Variants in GMDS observed in about 807,000 individuals in gnomAD.
GMDS encodes GDP-mannose 4,6-dehydratase.
In GMDS, 20 loss-of-function variants were observed where a neutral mutation model predicts 49.9. That is an observed-to-expected ratio of 0.40 (90% CI 0.28 to 0.58). GMDS has a LOEUF of 0.58. Ranked by LOEUF, GMDS falls within the 20% of genes least tolerant of loss-of-function variation. The pLI is 0.42. For missense variants in GMDS, 362 were observed against 481.4 expected (o/e 0.75, Z 2.32); for synonymous variants, 177 against 178.6 (o/e 0.99, Z 0.07).
At chr6:1,910,398 T>C (rs190855475) in intron 7 of GMDS, among the ~76,000 whole-genome samples, 1 of 152,170 alleles carries the variant, frequency 6.6e-6, no homozygotes, top group Admixed American at 6.5e-5. Flanking sequence ...AAAATCATAA[T>C]CTGTGTCACA....
At chr6:1,769,279 C>A (rs1397804083) in intron 7 of GMDS, among the ~76,000 whole-genome samples, 1 of 152,230 alleles carries the variant, frequency 6.6e-6, no homozygotes, top group Non-Finnish European at 1.5e-5. Context: ...GGTATGCAGT[C>A]TAACTTGTGA....
intron 4 of GMDS, among the ~76,000 whole-genome samples, chr6:2,004,096 A>G (rs893695715): frequency 2.6e-5 from 4 of 152,228 alleles, no homozygotes; most frequent in African/African-American, 9.6e-5. Flanking sequence ...GATCAATGAA[A>G]TAAGTCATCT....
At chr6:2,162,660 AC>A (rs1777460392) in intron 1 of GMDS, among the ~76,000 whole-genome samples, 1 of 7,884 alleles carries the variant, frequency 1.3e-4, no homozygotes, top group Non-Finnish European at 2.0e-4. Flanking sequence ...TAACATTCCA[AC>A]ACACACACAC....
chr6:2,199,779 A>T (rs1038966222), intron 1 of GMDS, among the ~76,000 whole-genome samples: 1 of 152,204 alleles, frequency 6.6e-6, no homozygotes, highest in Non-Finnish European at 1.5e-5. Context: ...TCAAGTATCA[A>T]CTTAAAAGCA....
chr6:1,941,552 G>A (rs920898816), intron 6 of GMDS, among the ~76,000 whole-genome samples: 2 of 152,176 alleles, frequency 1.3e-5, no homozygotes, highest in African/African-American at 4.8e-5. Context: ...GTCCAAGGAA[G>A]GAGAGGGCTC....
At chr6:1,693,018 A>C (rs2113341697) in intron 9 of GMDS, among the ~76,000 whole-genome samples, 1 of 152,282 alleles carries the variant, frequency 6.6e-6, no homozygotes, top group South Asian at 2.1e-4. Flanking sequence ...CGTTTCTGGG[A>C]CCCAGTTATG....
At chr6:2,199,748 C>T (rs1431389380) in intron 1 of GMDS, among the ~76,000 whole-genome samples, 1 of 152,150 alleles carries the variant, frequency 6.6e-6, no homozygotes, top group Non-Finnish European at 1.5e-5. Flanking sequence ...TAGTATCTTC[C>T]TTTATTTCAG....
chr6:2,080,103 T>C lies in GMDS; in HGVS notation c.345+35668A>G, dbSNP rs1050636601. On this transcript the variant is annotated intron_variant, in intron 4 of 10. Transcript: ENST00000380815. ...TCTTCTGCTTAATCTAGACTATTGT[T>C]GAATCTAACATTTTTTATTTCATTC... is the stretch of plus-strand genomic sequence containing the variant. Among the ~76,000 whole-genome samples, 3 of 152,206 alleles carry C rather than the reference T, an allele frequency of 2.0e-5. No individual in the cohort carries two copies. The East Asian group carries it at 5.8e-4, about 29-fold the overall frequency.
rs116546687 is a variant in GMDS, at chr6:1,808,507, A to G, written c.772-65921T>C. Among the ~76,000 whole-genome samples, 884 of 152,280 alleles carry G rather than the reference A, an allele frequency of 5.8e-3. 6 individuals carry two copies. The highest frequency in any genetic ancestry group is 0.02 in the African/African-American group (833 of 41,552). On this transcript the variant is annotated intron_variant, in intron 7 of 10. Transcript: ENST00000380815. ...GCTGAACATCTAGAACTTACTTTCA[A>G]AAGAAATGGAATTTTCTTATTGATC...
intron 1 of GMDS, among the ~76,000 whole-genome samples, chr6:2,235,966 T>C (rs542921237): frequency 1.5e-3 from 231 of 152,348 alleles, no homozygotes; most frequent in Non-Finnish European, 2.4e-3. Context: ...CAGATTGCAC[T>C]GACAGCTTTT....
intron 7 of GMDS, among the ~76,000 whole-genome samples, chr6:1,849,353 G>A (rs1757552701): frequency 6.6e-6 from 1 of 152,160 alleles, no homozygotes; most frequent in Non-Finnish European, 1.5e-5. Flanking sequence ...TACGCATGCT[G>A]ATCAAACTGT....
intron 4 of GMDS, among the ~76,000 whole-genome samples, chr6:2,062,509 A>C (rs1308876236): frequency 3.3e-5 from 5 of 152,132 alleles, no homozygotes; most frequent in Non-Finnish European, 7.4e-5. Context: ...TGACAGATAT[A>C]TTGTCACTCT....
intron 4 of GMDS, among the ~76,000 whole-genome samples, chr6:2,018,236 G>A (rs183562991): frequency 4.6e-5 from 7 of 152,196 alleles, no homozygotes; most frequent in South Asian, 4.1e-4. Context: ...ATAGAATTAC[G>A]CTGATGCTAT....
chr6:1,915,136 T>G (rs1179280153), intron 7 of GMDS, among the ~76,000 whole-genome samples: 1 of 152,208 alleles, frequency 6.6e-6, no homozygotes, highest in Non-Finnish European at 1.5e-5. Flanking sequence ...ACCAGTGGTT[T>G]TGCTTTTCCC....
chr6:2,072,595 G>A (rs1416773786), intron 4 of GMDS, among the ~76,000 whole-genome samples: 1 of 152,138 alleles, frequency 6.6e-6, no homozygotes, highest in African/African-American at 2.4e-5. Flanking sequence ...GAAAGATACT[G>A]GCTGTCATCC....
intron 9 of GMDS, among the ~76,000 whole-genome samples, chr6:1,646,983 G>A (rs779787735): frequency 1.3e-5 from 2 of 152,172 alleles, no homozygotes; most frequent in Non-Finnish European, 2.9e-5. Context: ...CTGTGGGCAC[G>A]GGTGGTAGCC....
At chr6:1,737,962 A>G (rs111163231) in intron 8 of GMDS, among the ~76,000 whole-genome samples, 4,380 of 148,424 alleles carry the variant, frequency 0.03, 85 homozygotes, top group Non-Finnish European at 0.043. Context: ...ATACACACAT[A>G]CATACACACA....
chr6:1,800,792 T>G (rs1769919938), intron 7 of GMDS, among the ~76,000 whole-genome samples: 1 of 152,114 alleles, frequency 6.6e-6, no homozygotes, highest in Non-Finnish European at 1.5e-5. Flanking sequence ...TAGCCCTGGG[T>G]GAAGCAGGCA....
At chr6:1,893,526 C>T (rs957289846) in intron 7 of GMDS, among the ~76,000 whole-genome samples, 2 of 152,210 alleles carry the variant, frequency 1.3e-5, no homozygotes, top group Non-Finnish European at 2.9e-5. Flanking sequence ...CAACCTTCTC[C>T]ATCCTCTTTT....
Sources: gnomAD v4.1 joint callset for allele counts (sites outside exome capture counted in the v4.1 genomes callset) on GRCh38, gnomAD v4.1.1 for gene constraint, MANE v1.5 for transcripts, NCBI Gene and HGNC (gene_info 2026-07-23, HGNC 2026-07-21) for gene names.